Variants in RBPJ observed in about 807,000 individuals in gnomAD.
RBPJ encodes the protein recombining binding protein suppressor of hairless.
Under a neutral mutation model 67.8 loss-of-function variants are expected in RBPJ, and 9 were observed. The ratio of observed to expected loss-of-function variants is 0.13; its 90% CI spans 0.08 to 0.23. The LOEUF is 0.23. RBPJ is among the 10% of genes least tolerant of loss of function. RBPJ has a pLI of 1.00. For missense variants in RBPJ, 305 were observed against 595.6 expected (o/e 0.51, Z 5.08); for synonymous variants, 198 against 203.3 (o/e 0.97, Z 0.22).
chr4:26,358,239 A>C (rs1423343106), intron 1 of RBPJ, among the ~76,000 whole-genome samples: 1 of 152,148 alleles, frequency 6.6e-6, no homozygotes. Flanking sequence ...GACCATTGGA[A>C]AAATAGCATA....
At chr4:26,386,810 A>G (rs1730960889) in intron 2 of RBPJ, among the ~76,000 whole-genome samples, 1 of 152,206 alleles carries the variant, frequency 6.6e-6, no homozygotes, top group African/African-American at 2.4e-5. Flanking sequence ...ATTTTTAATG[A>G]GTATAAGTTG....
Position 26,172,432 on chromosome 4 carries a change from C to A in RBPJ, c.-167+8818C>A, listed in dbSNP as rs576423795. ...GACTCTTAGGATAAATTTTCTGCCACGGGCGATCTAGCAGCAATCCCCTCT... is the reference window on the plus strand; with the variant it reads ...GACTCTTAGGATAAATTTTCTGCCAAGGGCGATCTAGCAGCAATCCCCTCT... On this transcript the variant is annotated intron_variant, in intron 1 of 4. Transcript: ENST00000512351. Among the ~76,000 whole-genome samples, 259 of 152,280 alleles carry A rather than the reference C, an allele frequency of 1.7e-3. 2 individuals are homozygous for A. Among genetic ancestry groups the A allele is most frequent in the Middle Eastern group, 3.4e-3 (1 of 294 alleles).
chr4:26,178,868 C>T (rs1354494478), intron 1 of RBPJ, among the ~76,000 whole-genome samples: 4 of 152,030 alleles, frequency 2.6e-5, no homozygotes, highest in African/African-American at 7.2e-5. Context: ...TAAATGTTCT[C>T]CACTTGGACA....
intron 1 of RBPJ, among the ~76,000 whole-genome samples, chr4:26,351,218 T>C (rs1420635842): frequency 6.6e-6 from 1 of 152,146 alleles, no homozygotes; most frequent in Non-Finnish European, 1.5e-5. Context: ...ATTGTGTACA[T>C]TAGTGCGTGA....
intron 3 of RBPJ, among the ~76,000 whole-genome samples, chr4:26,408,289 A>C (rs1303679000): frequency 2.0e-5 from 3 of 152,158 alleles, no homozygotes; most frequent in African/African-American, 7.2e-5. Context: ...TGATTATTTT[A>C]TCGTACTTTA....
chr4:26,428,549 T>G (rs970281116), intron 7 of RBPJ, 171 bp from the exon 8 acceptor site: 23 of 544,044 alleles, frequency 4.2e-5, no homozygotes, highest in African/African-American at 3.7e-4. Context: ...TAAAAGTGTT[T>G]TTTATTCCTA....
chr4:26,246,857 A>C (rs1356887240), intron 1 of RBPJ, among the ~76,000 whole-genome samples: 1 of 152,050 alleles, frequency 6.6e-6, no homozygotes, highest in African/African-American at 2.4e-5. Flanking sequence ...TATCTTGCTG[A>C]GGGGCCGCGC....
intron 1 of RBPJ, among the ~76,000 whole-genome samples, chr4:26,237,372 G>A (rs544376540): frequency 2.6e-4 from 39 of 151,946 alleles, no homozygotes; most frequent in South Asian, 6.2e-4. Flanking sequence ...CATTATGGTC[G>A]AATAAATTTG....
the RBPJ span, among the ~76,000 whole-genome samples, chr4:26,149,025 A>T: frequency 1.2e-4 from 18 of 152,188 alleles, no homozygotes; most frequent in Admixed American, 9.8e-4. Flanking sequence ...TCTCCCCACA[A>T]CATGGAAACA....
At chr4:26,138,256 C>T in the RBPJ span, among the ~76,000 whole-genome samples, 1 of 152,122 alleles carries the variant, frequency 6.6e-6, no homozygotes, top group Non-Finnish European at 1.5e-5. Flanking sequence ...AAATACCTTC[C>T]ACTGTTGAAG....
At chr4:26,154,997 G>A in the RBPJ span, among the ~76,000 whole-genome samples, 3 of 152,120 alleles carry the variant, frequency 2.0e-5, no homozygotes, top group Non-Finnish European at 4.4e-5. Context: ...ACCATATCAG[G>A]GCTGGACATA....
At chr4:26,309,083 G>C (rs2109305701) in intron 1 of RBPJ, among the ~76,000 whole-genome samples, 1 of 150,102 alleles carries the variant, frequency 6.7e-6, no homozygotes, top group East Asian at 2.0e-4. Context: ...ACCCAGGCTG[G>C]AGTGCAGTGG....
intron 1 of RBPJ, among the ~76,000 whole-genome samples, chr4:26,339,853 C>T (rs758506296): frequency 8.5e-5 from 13 of 152,060 alleles, no homozygotes; most frequent in Non-Finnish European, 1.0e-4. Flanking sequence ...AACCCTGTGT[C>T]TACAAAAATA....
chr4:26,317,144 A>T (rs1722678507), upstream of RBPJ, among the ~76,000 whole-genome samples: 1 of 151,544 alleles, frequency 6.6e-6, no homozygotes, highest in African/African-American at 2.4e-5. Flanking sequence ...AACACAACAC[A>T]CAAGTATGAT....
chr4:26,295,565 T>C (rs1451617866), intron 1 of RBPJ, among the ~76,000 whole-genome samples: 1 of 152,016 alleles, frequency 6.6e-6, no homozygotes, highest in East Asian at 1.9e-4. Flanking sequence ...CTAATGGCAG[T>C]AGAAGAGAGG....
chr4:26,140,618 C>T, the RBPJ span, among the ~76,000 whole-genome samples: 7 of 109,468 alleles, frequency 6.4e-5, no homozygotes, highest in Non-Finnish European at 1.0e-4. Flanking sequence ...CAAGCCAAAG[C>T]CGCCCCACCC....
chr4:26,196,315 G>A (rs1325446600), intron 1 of RBPJ, among the ~76,000 whole-genome samples: 1 of 152,122 alleles, frequency 6.6e-6, no homozygotes. Flanking sequence ...TATACTAAAT[G>A]GAAGAAGCAA....
chr4:26,144,940 A>G, the RBPJ span, among the ~76,000 whole-genome samples: 1 of 152,042 alleles, frequency 6.6e-6, no homozygotes, highest in African/African-American at 2.4e-5. Context: ...GAACAGGTCC[A>G]AGTCAAATCA....
chr4:26,378,590 G>A (rs756570394), intron 1 of RBPJ, among the ~76,000 whole-genome samples: 4 of 152,178 alleles, frequency 2.6e-5, no homozygotes, highest in Non-Finnish European at 4.4e-5. Flanking sequence ...GGCTGCAGTT[G>A]ATGCTGTTAG....
Sources: gnomAD v4.1 joint callset for allele counts (sites outside exome capture counted in the v4.1 genomes callset) on GRCh38, gnomAD v4.1.1 for gene constraint, MANE v1.5 for transcripts, NCBI Gene and HGNC (gene_info 2026-07-23, HGNC 2026-07-21) for gene names.